Variants in SLC44A3 observed in about 807,000 individuals in gnomAD.
The protein encoded by SLC44A3 is solute carrier family 44 member 3, also known as choline transporter-like protein 3.
Under a neutral mutation model 75.4 loss-of-function variants are expected in SLC44A3, and 74 were observed. The observed-to-expected ratio is 0.98, with a 90% CI of 0.81 to 1.19. SLC44A3 has a LOEUF of 1.19. Ranked by LOEUF, SLC44A3 falls within the 50% of genes most tolerant of loss-of-function variation. The pLI, the probability that SLC44A3 is intolerant of heterozygous loss-of-function variation, is 0.00. For synonymous variants in SLC44A3, 310 were observed against 296.9 expected (o/e 1.04, Z -0.45); for missense variants, 700 against 778.6 (o/e 0.90, Z 1.20).
intron 5 of SLC44A3, among the ~76,000 whole-genome samples, chr1:94,831,794 A>G (rs960902160): frequency 1.1e-4 from 17 of 152,188 alleles, no homozygotes; most frequent in Non-Finnish European, 2.1e-4. Flanking sequence ...AGCTTACCCA[A>G]TGACTTCCTG....
At position 94,827,656 on chromosome 1, in the gene SLC44A3, G is replaced by A. The variant is rs753192543; in HGVS notation, c.415+13G>A. On this transcript the variant is annotated intron_variant, in intron 4 of 14. Transcript: ENST00000271227. The stretch of plus-strand genomic sequence containing the variant: ...GCAAACACCAGTGGTAGGCACTAAG[G>A]CCTGGTTTGTTCTTTTCCCCATGAT... 27 of 1,613,692 alleles carry A rather than the reference G, an allele frequency of 1.7e-5. No individual in the cohort carries two copies. The Admixed American group carries it at 3.3e-4, about 20-fold the overall frequency.
chr1:94,858,025 G>A (rs1666119355), intron 10 of SLC44A3, among the ~76,000 whole-genome samples: 1 of 151,938 alleles, frequency 6.6e-6, no homozygotes, highest in Non-Finnish European at 1.5e-5. Context: ...TGTTGGCCAG[G>A]ATGGTCTTGA....
chr1:94,881,808 C>T (rs1488698793), intron 12 of SLC44A3, among the ~76,000 whole-genome samples: 3 of 148,774 alleles, frequency 2.0e-5, no homozygotes, highest in Admixed American at 1.4e-4. Context: ...GTCAAGAGAT[C>T]GAGACCATCC....
chr1:94,890,439 C>T (rs954290108), intron 12 of SLC44A3, among the ~76,000 whole-genome samples: 4 of 152,116 alleles, frequency 2.6e-5, no homozygotes, highest in African/African-American at 9.7e-5. Flanking sequence ...TGTTGCTTTG[C>T]CTTTGCAAAA....
Position 94,889,943 on chromosome 1 carries a change from C to T in SLC44A3, c.1483-1187C>T, listed in dbSNP as rs182242211. On this transcript the variant is annotated intron_variant, in intron 12 of 14. Transcript: ENST00000271227. ...TTGGCTCACCGCAAACTCCGCCTCCCGGGTTCAAGCAATTCTCCTGCCTCA... is the reference window on the plus strand; with the variant it reads ...TTGGCTCACCGCAAACTCCGCCTCCTGGGTTCAAGCAATTCTCCTGCCTCA... Among the ~76,000 whole-genome samples, 333 of 152,038 alleles carry T rather than the reference C, an allele frequency of 2.2e-3. 1 individual carries two copies. Among genetic ancestry groups the T allele is most frequent in the Non-Finnish European group, 3.9e-3 (266 of 67,960 alleles).
chr1:94,845,975 C>T lies in SLC44A3; in HGVS notation c.1072+511C>T, dbSNP rs529700254. Among the ~76,000 whole-genome samples the T allele has an allele frequency of 3.9e-5, 6 of 151,984 alleles. 1 individual carries two copies. The highest frequency in any genetic ancestry group is 5.9e-5 in the Non-Finnish European group (4 of 67,986). On this transcript the variant is annotated intron_variant, in intron 9 of 14. Transcript: ENST00000271227. ...CAGCCTGACCAACATGGTGAAACCC[C>T]GTCTGTACTAAAAATACAAAAATTA...
At position 94,827,517 on chromosome 1, in the gene SLC44A3, T is replaced by G; in HGVS notation, c.289T>G (p.Phe97Val). The G allele has an allele frequency of 6.2e-7, 1 of 1,614,246 alleles. No homozygotes were observed. Among genetic ancestry groups the G allele is most frequent in the Non-Finnish European group, 8.5e-7 (1 of 1,180,032 alleles). Residue 97 changes from phenylalanine to valine, a missense_variant, in exon 4 of 15, where the codon TTT (phenylalanine) becomes GTT (valine). Phe to Val is a conservative substitution (Grantham distance 50, BLOSUM62 -1). Transcript: ENST00000271227. ...TCATCTATTTCCTAGACACGTGTTCTTTATGAATTCCTGCAACCTGGAAGT... is the reference window on the plus strand; with the variant it reads ...TCATCTATTTCCTAGACACGTGTTCGTTATGAATTCCTGCAACCTGGAAGT... ...QDMTLKKHVF[F>V]MNSCNLEVKG...
At chr1:94,845,505 T>A (rs111995885) in intron 9 of SLC44A3, 41 bp downstream of exon 9, 1 of 1,547,824 alleles carries the variant, frequency 6.5e-7, no homozygotes. Context: ...CTTGGAGTCA[T>A]ACACAGAAGA....
intron 14 of SLC44A3, among the ~76,000 whole-genome samples, chr1:94,893,064 A>T (rs1259039081): frequency 2.6e-5 from 4 of 152,214 alleles, no homozygotes; most frequent in Non-Finnish European, 5.9e-5. Flanking sequence ...CATACTGCTT[A>T]TATCTGGAAA....
intron 11 of SLC44A3, among the ~76,000 whole-genome samples, chr1:94,866,029 G>T (rs1222096429): frequency 6.6e-6 from 1 of 152,016 alleles, no homozygotes; most frequent in East Asian, 1.9e-4. Flanking sequence ...TTAATATTTT[G>T]CTTGGCCACA....
At chr1:94,822,861 G>A (rs977296902) in intron 2 of SLC44A3, among the ~76,000 whole-genome samples, 2 of 152,042 alleles carry the variant, frequency 1.3e-5, no homozygotes, top group African/African-American at 4.8e-5. Context: ...CTGTCATATA[G>A]AATCGCAATT....
chr1:94,878,163 G>T (rs113145182), intron 12 of SLC44A3, among the ~76,000 whole-genome samples: 2 of 151,976 alleles, frequency 1.3e-5, no homozygotes, highest in African/African-American at 4.8e-5. Flanking sequence ...GAACCCCAGG[G>T]GGCGGAGCCT....
chr1:94,881,537 T>C (rs1046421449), intron 12 of SLC44A3, among the ~76,000 whole-genome samples: 3 of 150,326 alleles, frequency 2.0e-5, no homozygotes, highest in African/African-American at 7.4e-5. Flanking sequence ...ACCCCGTCTC[T>C]ACTAAAAATA....
Position 94,891,071 on chromosome 1 carries a change from A to G in SLC44A3, c.1483-59A>G, listed in dbSNP as rs141132262. The G allele has an allele frequency of 5.7e-4, 851 of 1,484,948 alleles. 3 individuals carry two copies. The African/African-American group carries it at 0.011, about 19-fold the overall frequency. The allele number at this position is 1,484,948 out of a possible 1,614,324, so 92.0% of individuals were successfully genotyped here. On this transcript the variant is annotated intron_variant, in intron 12 of 14. Transcript: ENST00000271227. ...GTTTGCAAACACTCTGTATTAATAT[A>G]TTGCCTTAAAAACAATTGTTATAAG...
intron 9 of SLC44A3, among the ~76,000 whole-genome samples, chr1:94,856,561 G>A (rs529627222): frequency 3.9e-5 from 6 of 152,302 alleles, no homozygotes; most frequent in African/African-American, 1.4e-4. Flanking sequence ...ATTCTATAAT[G>A]TGATACTAAA....
intron 5 of SLC44A3, among the ~76,000 whole-genome samples, chr1:94,831,713 G>C (rs1662158837): frequency 6.6e-6 from 1 of 152,200 alleles, no homozygotes; most frequent in Admixed American, 6.5e-5. Flanking sequence ...CTCCCACATA[G>C]GTGCCTGTGC....
chr1:94,893,145 G>A (rs1412060164), intron 14 of SLC44A3, among the ~76,000 whole-genome samples: 1 of 152,092 alleles, frequency 6.6e-6, no homozygotes, highest in East Asian at 1.9e-4. Flanking sequence ...GGGTAGACAG[G>A]GATATTTTAA....
chr1:94,893,147 A>C (rs559183105), intron 14 of SLC44A3, among the ~76,000 whole-genome samples: 7 of 152,332 alleles, frequency 4.6e-5, no homozygotes, highest in South Asian at 4.1e-4. Flanking sequence ...GTAGACAGGG[A>C]TATTTTAACA....
At position 94,890,687 on chromosome 1, in the gene SLC44A3, A is replaced by T. The variant is rs551505676; in HGVS notation, c.1483-443A>T. Reference sequence around the variant, plus strand: ...CTGCCCTCAAACTCTATTGTGCATTAAAAAATAACTTATCGCCAGGGTGGT... The same window carrying T: ...CTGCCCTCAAACTCTATTGTGCATTTAAAAATAACTTATCGCCAGGGTGGT... On this transcript the variant is annotated intron_variant, in intron 12 of 14. Transcript: ENST00000271227. 6.6e-5 allele frequency among the ~76,000 whole-genome samples: 10 copies of T among 152,312 alleles called. No homozygotes were observed. The East Asian group carries it at 1.5e-3, about 24-fold the overall frequency.
Sources: allele counts gnomAD v4.1 joint callset (sites outside exome capture counted in the v4.1 genomes callset), GRCh38; gene constraint gnomAD v4.1.1; transcripts MANE v1.5; gene names NCBI Gene and HGNC (gene_info 2026-07-23, HGNC 2026-07-21).